The following PTPRD variants were observed in gnomAD, a reference collection of about 807,000 sequenced individuals.
PTPRD encodes the protein protein tyrosine phosphatase receptor type D.
Under a neutral mutation model 214.5 loss-of-function variants are expected in PTPRD, and 34 were observed. The ratio of observed to expected loss-of-function variants is 0.16; its 90% CI spans 0.12 to 0.21. The LOEUF (loss-of-function observed/expected upper bound fraction) is 0.21, where lower values mean the gene tolerates loss of function less well. PTPRD is among the 10% of genes least tolerant of loss of function. The pLI is 1.00. For missense variants in PTPRD, 2,545 were observed against 2,398.7 expected (o/e 1.06, Z -1.27); for synonymous variants, 1,128 against 845.7 (o/e 1.33, Z -5.79).
chr9:9,569,764 T>C (rs1385095855), intron 8 of PTPRD, among the ~76,000 whole-genome samples: 4 of 151,550 alleles, frequency 2.6e-5, no homozygotes, highest in African/African-American at 7.3e-5. Flanking sequence ...AGGCTAGATA[T>C]AGTGTGTAAA....
At chr9:9,144,156 G>T (rs962493998) in intron 10 of PTPRD, among the ~76,000 whole-genome samples, 8 of 152,260 alleles carry the variant, frequency 5.3e-5, no homozygotes, top group African/African-American at 1.7e-4. Flanking sequence ...GTGAAGTATT[G>T]GGAAAGGGAA....
chr9:10,579,531 G>C (rs2070897499), intron 2 of PTPRD, among the ~76,000 whole-genome samples: 1 of 152,164 alleles, frequency 6.6e-6, no homozygotes, highest in East Asian at 1.9e-4. Context: ...GGGCACCTAG[G>C]TTGGTTCCAT....
At chr9:9,653,336 G>A (rs1365378686) in intron 7 of PTPRD, among the ~76,000 whole-genome samples, 7 of 95,518 alleles carry the variant, frequency 7.3e-5, no homozygotes, top group Admixed American at 1.8e-4. Flanking sequence ...GCGACAGAGC[G>A]AGACTCCGTC....
intron 44 of PTPRD, among the ~76,000 whole-genome samples, chr9:8,321,057 G>C (rs1377876798): frequency 6.6e-6 from 1 of 152,062 alleles, no homozygotes; most frequent in Non-Finnish European, 1.5e-5. Flanking sequence ...TGTTAAGTGA[G>C]GTTTGAAAAT....
At chr9:10,611,513 G>A (rs1046900619) in intron 2 of PTPRD, among the ~76,000 whole-genome samples, 1 of 152,076 alleles carries the variant, frequency 6.6e-6, no homozygotes, top group Non-Finnish European at 1.5e-5. Context: ...TATGTATAAT[G>A]AACTTATTAA....
intron 10 of PTPRD, among the ~76,000 whole-genome samples, chr9:9,132,989 T>A (rs2099845141): frequency 6.6e-6 from 1 of 152,228 alleles, no homozygotes; most frequent in South Asian, 2.1e-4. Context: ...CATTAGTTTT[T>A]CTTTTTTCAT....
intron 10 of PTPRD, among the ~76,000 whole-genome samples, chr9:9,104,343 C>T (rs1225032854): frequency 6.6e-6 from 1 of 152,070 alleles, no homozygotes; most frequent in Non-Finnish European, 1.5e-5. Context: ...ATGTAAAAAT[C>T]ATTTTTAGAA....
intron 5 of PTPRD, among the ~76,000 whole-genome samples, chr9:9,882,318 T>C (rs972342604): frequency 6.6e-6 from 1 of 152,066 alleles, no homozygotes; most frequent in East Asian, 1.9e-4. Flanking sequence ...CTGAGCAAAA[T>C]CTTTGAAAGG....
intron 10 of PTPRD, among the ~76,000 whole-genome samples, chr9:9,052,765 T>C (rs1569510741): frequency 6.6e-6 from 1 of 152,216 alleles, no homozygotes; most frequent in African/African-American, 2.4e-5. Flanking sequence ...TGGATAACTT[T>C]ACAGTTTGTA....
intron 8 of PTPRD, among the ~76,000 whole-genome samples, chr9:9,553,749 C>T (rs1006601285): frequency 1.3e-5 from 2 of 152,032 alleles, no homozygotes; most frequent in African/African-American, 4.8e-5. Context: ...AAGTTTTATA[C>T]TTGGAAATTG....
intron 8 of PTPRD, among the ~76,000 whole-genome samples, chr9:9,538,246 C>A (rs567043504): frequency 6.6e-6 from 1 of 151,910 alleles, no homozygotes; most frequent in Non-Finnish European, 1.5e-5. Context: ...TAAAAACCCT[C>A]ACTACTGTTG....
chr9:10,070,462 T>A (rs2097982480), intron 3 of PTPRD, among the ~76,000 whole-genome samples: 1 of 151,976 alleles, frequency 6.6e-6, no homozygotes, highest in African/African-American at 2.4e-5. Context: ...GCACAATAAT[T>A]TATGCATTTC....
At position 8,830,492 on chromosome 9, in the gene PTPRD, T is replaced by A. The variant is rs149427946; in HGVS notation, c.-103-96546A>T. On this transcript the variant is annotated intron_variant, in intron 11 of 45. Transcript: ENST00000381196. Reference sequence around the variant, plus strand: ...AAGAAAGGAAAGTGGAGAATGGGCTTCAGTCATCGAATCATGGACAGATGA... The same window carrying A: ...AAGAAAGGAAAGTGGAGAATGGGCTACAGTCATCGAATCATGGACAGATGA... Among the ~76,000 whole-genome samples the A allele has an allele frequency of 2.0e-4, 30 of 152,234 alleles. 1 individual carries two copies. The East Asian group carries it at 5.8e-3, about 29-fold the overall frequency.
At chr9:9,894,219 G>C (rs909648581) in intron 5 of PTPRD, among the ~76,000 whole-genome samples, 1 of 151,846 alleles carries the variant, frequency 6.6e-6, no homozygotes, top group Non-Finnish European at 1.5e-5. Flanking sequence ...TGGTCTCTCT[G>C]CCTCTGTTAT....
chr9:8,739,647 C>T (rs73431628), intron 11 of PTPRD, among the ~76,000 whole-genome samples: 11,113 of 152,124 alleles, frequency 0.073, 1,087 homozygotes, highest in African/African-American at 0.23. Flanking sequence ...TTCCCAATAA[C>T]CAGACACTAA....
chr9:9,181,951 C>G (rs1428100196), intron 10 of PTPRD, among the ~76,000 whole-genome samples: 1 of 151,956 alleles, frequency 6.6e-6, no homozygotes, highest in Admixed American at 6.6e-5. Context: ...GAAACTGATT[C>G]TATACAAATT....
At chr9:9,234,602 A>G (rs1468568821) in intron 9 of PTPRD, among the ~76,000 whole-genome samples, 1 of 152,146 alleles carries the variant, frequency 6.6e-6, no homozygotes, top group Non-Finnish European at 1.5e-5. Flanking sequence ...TCTCTTGAAC[A>G]CTTTGTCACT....
intron 10 of PTPRD, among the ~76,000 whole-genome samples, chr9:9,070,698 T>A (rs2099742442): frequency 6.6e-6 from 1 of 152,218 alleles, no homozygotes; most frequent in Non-Finnish European, 1.5e-5. Context: ...TGAAGCCTCA[T>A]TTGAAGATCC....
chr9:8,605,127 A>T (rs146161165), intron 14 of PTPRD, among the ~76,000 whole-genome samples: 2 of 152,200 alleles, frequency 1.3e-5, no homozygotes, highest in East Asian at 3.9e-4. Context: ...CCACAAATAA[A>T]CTCTTCTTCT....
Sources: gnomAD v4.1 joint callset for allele counts (sites outside exome capture counted in the v4.1 genomes callset) on GRCh38, gnomAD v4.1.1 for gene constraint, MANE v1.5 for transcripts, NCBI Gene and HGNC (gene_info 2026-07-23, HGNC 2026-07-21) for gene names.